The following DSCAML1 variants were observed in gnomAD, a reference collection of about 807,000 sequenced individuals.
DSCAML1 encodes the protein cell adhesion molecule DSCAML1.
DSCAML1 carries 38 observed loss-of-function variants against 200.5 expected under a neutral mutation model. The ratio of observed to expected loss-of-function variants is 0.19; its 90% confidence interval spans 0.15 to 0.25. The LOEUF (loss-of-function observed/expected upper bound fraction) is 0.25, where lower values mean the gene tolerates loss of function less well. DSCAML1 is among the 10% of genes least tolerant of loss of function. DSCAML1 has a pLI of 1.00. For synonymous variants in DSCAML1, 1,215 were observed against 1,165.0 expected (o/e 1.04, Z -0.87); for missense variants, 2,223 against 2,858.8 (o/e 0.78, Z 5.07).
In DSCAML1 at chr11:117,776,848, C is replaced by T; in HGVS notation, c.454G>A (p.Val152Met). 1 of 1,614,206 alleles carries T rather than the reference C, an allele frequency of 6.2e-7. No homozygotes were observed. The highest frequency in any genetic ancestry group is 8.5e-7 in the Non-Finnish European group (1 of 1,180,040). Residue 152 changes from valine to methionine, a missense_variant, in exon 3 of 33, where the codon GTG becomes ATG. Coordinates refer to ENST00000651296, the MANE Select transcript of DSCAML1 (RefSeq NM_020693.4). ...AVFKCLIPSS[V>M]QEYVSVVSWE... The stretch of plus-strand genomic sequence containing the variant: ...GATACAACGCTAACATATTCCTGCA[C>T]TGAAGAGGGGATGAGGCACTTGAAG...
At chr11:117,698,211 T>C (rs1000062619) in intron 3 of DSCAML1, among the ~76,000 whole-genome samples, 3 of 152,188 alleles carry the variant, frequency 2.0e-5, no homozygotes, top group African/African-American at 7.2e-5. Flanking sequence ...GGCATGGGTG[T>C]GGAAACTGAC....
intron 8 of DSCAML1, among the ~76,000 whole-genome samples, chr11:117,511,787 GACA>G (rs1440009349): frequency 3.3e-5 from 5 of 152,258 alleles, no homozygotes; most frequent in Non-Finnish European, 7.3e-5. Flanking sequence ...GGCCCTGGTG[GACA>G]ACACACTTGC....
chr11:117,801,627 T>C (rs2055659868), upstream of DSCAML1: 6 of 152,266 alleles, frequency 3.9e-5, no homozygotes. Flanking sequence ...AGGTTCTCCT[T>C]AAACCAAAAT....
chr11:117,689,457 G>A (rs1276333467), intron 3 of DSCAML1, among the ~76,000 whole-genome samples: 1 of 152,210 alleles, frequency 6.6e-6, no homozygotes, highest in Non-Finnish European at 1.5e-5. Flanking sequence ...GTAATACATA[G>A]CAAGAAAGAC....
intron 3 of DSCAML1, among the ~76,000 whole-genome samples, chr11:117,737,898 C>A (rs1939981): frequency 1.3e-5 from 2 of 151,914 alleles, no homozygotes; most frequent in Admixed American, 1.3e-4. Flanking sequence ...GTTGTGACAG[C>A]GAGTGTAGAT....
intron 30 of DSCAML1, 24 bp downstream of exon 30, chr11:117,432,327 CT>C: frequency 6.3e-7 from 1 of 1,599,876 alleles, no homozygotes; most frequent in Non-Finnish European, 8.5e-7. Flanking sequence ...GGGAAAAGGG[CT>C]GTCTCCCTGG....
At chr11:117,779,690 C>A (rs369431903) in intron 2 of DSCAML1, among the ~76,000 whole-genome samples, 1 of 152,240 alleles carries the variant, frequency 6.6e-6, no homozygotes, top group East Asian at 1.9e-4. Flanking sequence ...CACCGTTGGA[C>A]ACCATTTGTA....
chr11:117,440,533 C>A (rs1046306902), intron 21 of DSCAML1, among the ~76,000 whole-genome samples: 2 of 152,116 alleles, frequency 1.3e-5, no homozygotes, highest in Non-Finnish European at 2.9e-5. Flanking sequence ...TCCAAGGGGA[C>A]GGGCAGAAGT....
chr11:117,702,570 T>C (rs761020968), intron 3 of DSCAML1, among the ~76,000 whole-genome samples: 20 of 152,108 alleles, frequency 1.3e-4, no homozygotes, highest in Admixed American at 2.6e-4. Flanking sequence ...TCACTGTTGA[T>C]TTATTGCTCC....
chr11:117,582,041 C>T (rs1038669091), intron 3 of DSCAML1, among the ~76,000 whole-genome samples: 4 of 152,100 alleles, frequency 2.6e-5, no homozygotes, highest in African/African-American at 9.7e-5. Flanking sequence ...TCATCGGATG[C>T]GCATTCTCTG....
In DSCAML1 at chr11:117,503,319, C is replaced by T. The variant is rs998880083; in HGVS notation, c.2359+526G>A. Among the ~76,000 whole-genome samples, 2 of 152,082 alleles carry T rather than the reference C, an allele frequency of 1.3e-5. No individual in the cohort carries two copies. Among genetic ancestry groups the T allele is most frequent in the African/African-American group, 2.4e-5 (1 of 41,404 alleles). On this transcript the variant is annotated intron_variant, in intron 11 of 32. Transcript: ENST00000651296. This position sits in a 1 kb window ranked among gnomAD's most constrained non-coding sequence, Gnocchi z 5.2. ...ATCAGTGGGCTGGGAAGGGAACCCTCGTACAGGTGAGGAAACTGGAGCACA... is the reference window on the plus strand; with the variant it reads ...ATCAGTGGGCTGGGAAGGGAACCCTTGTACAGGTGAGGAAACTGGAGCACA...
chr11:117,483,982 G>A (rs2137224748), intron 11 of DSCAML1, among the ~76,000 whole-genome samples: 1 of 151,846 alleles, frequency 6.6e-6, no homozygotes, highest in Admixed American at 6.6e-5. Context: ...CGTGCAAAAA[G>A]GGGCTTTGTC....
chr11:117,623,404 C>T (rs976882063), intron 3 of DSCAML1, among the ~76,000 whole-genome samples: 8 of 151,982 alleles, frequency 5.3e-5, no homozygotes, highest in Non-Finnish European at 1.0e-4. Flanking sequence ...TTAGTAGAGA[C>T]AGGGTTTTGC....
chr11:117,636,566 C>T (rs114434288), intron 3 of DSCAML1, among the ~76,000 whole-genome samples: 2,285 of 152,268 alleles, frequency 0.015, 50 homozygotes, highest in African/African-American at 0.052. Flanking sequence ...CCTCACTCCA[C>T]GAAGGAGAGG....
intron 3 of DSCAML1, among the ~76,000 whole-genome samples, chr11:117,538,985 C>A (rs11216443): frequency 0.3 from 45,955 of 152,084 alleles, 8,143 homozygotes; most frequent in Non-Finnish European, 0.4. Flanking sequence ...ACAGCCAGAG[C>A]AATGCTTTCA....
intron 3 of DSCAML1, among the ~76,000 whole-genome samples, chr11:117,547,591 G>A (rs2050398963): frequency 6.6e-6 from 1 of 152,072 alleles, no homozygotes; most frequent in Non-Finnish European, 1.5e-5. Flanking sequence ...CTGACCCCAG[G>A]GCCTGGCCCT....
chr11:117,467,199 C>A (rs2048599409), intron 16 of DSCAML1, among the ~76,000 whole-genome samples: 1 of 133,260 alleles, frequency 7.5e-6, no homozygotes, highest in African/African-American at 3.1e-5. Context: ...ACACACCTCC[C>A]CCCTCCCCCC....
At position 117,683,510 on chromosome 11, in the gene DSCAML1, C is replaced by T. The variant is rs528627831; in HGVS notation, c.511+93281G>A. Among the ~76,000 whole-genome samples, 4 of 152,310 alleles carry T rather than the reference C, an allele frequency of 2.6e-5. No homozygotes were observed. In the East Asian group the frequency reaches 5.8e-4, roughly 22 times the overall value. On this transcript the variant is annotated intron_variant, in intron 3 of 32. Coordinates refer to ENST00000651296, the MANE Select transcript of DSCAML1 (RefSeq NM_020693.4). ...GCTCAACGACATGCAGCTCCATATTCGAGTCTCCTTATAACCCTGTAGGAG... is the reference window on the plus strand; with the variant it reads ...GCTCAACGACATGCAGCTCCATATTTGAGTCTCCTTATAACCCTGTAGGAG...
chr11:117,530,886 G>A (rs536005833), intron 4 of DSCAML1, among the ~76,000 whole-genome samples: 77 of 152,218 alleles, frequency 5.1e-4, no homozygotes, highest in African/African-American at 1.8e-3. Flanking sequence ...CTGACTTAGC[G>A]TTCATCCCCG....
Sources: gnomAD v4.1 joint callset for allele counts (sites outside exome capture counted in the v4.1 genomes callset) on GRCh38, gnomAD v4.1.1 for gene constraint, Gnocchi (gnomAD v3.1) non-coding constraint, MANE v1.5 for transcripts, NCBI Gene and HGNC (gene_info 2026-07-23, HGNC 2026-07-21) for gene names.